The following RGS6 variants were observed in gnomAD, a reference collection of about 807,000 sequenced individuals.
RGS6 encodes regulator of G protein signaling 6.
A neutral mutation model predicts 78.5 loss-of-function variants in RGS6; 30 were observed. The ratio of observed to expected loss-of-function variants is 0.38; its 90% CI spans 0.29 to 0.52. The LOEUF is 0.52. Ranked by LOEUF, RGS6 falls within the 20% of genes least tolerant of loss-of-function variation. The pLI is 0.85. For missense variants in RGS6, 495 were observed against 609.7 expected (o/e 0.81, Z 1.98); for synonymous variants, 206 against 206.0 (o/e 1.00, Z 0.00).
At chr14:72,591,463 A>G in the RGS6 span, among the ~76,000 whole-genome samples, 1 of 152,182 alleles carries the variant, frequency 6.6e-6, no homozygotes, top group Admixed American at 6.5e-5. Context: ...CTGGAGAACT[A>G]AATTTGATCT....
At chr14:72,137,238 A>G (rs1282317006) in intron 2 of RGS6, among the ~76,000 whole-genome samples, 2 of 152,202 alleles carry the variant, frequency 1.3e-5, no homozygotes, top group Non-Finnish European at 2.9e-5. Flanking sequence ...CCTTACATAT[A>G]TGATTTTGTA....
chr14:72,474,476 G>A (rs1001244494), intron 9 of RGS6, 149 bp from the exon 10 acceptor site: 27 of 673,736 alleles, frequency 4.0e-5, no homozygotes, highest in Non-Finnish European at 6.2e-5. Flanking sequence ...ACTCCACAGA[G>A]GAATGCATAT....
At chr14:72,580,112 C>T in the RGS6 span, among the ~76,000 whole-genome samples, 1 of 152,212 alleles carries the variant, frequency 6.6e-6, no homozygotes, top group Non-Finnish European at 1.5e-5. Flanking sequence ...ACCATCCAAC[C>T]TCTTAATTCA....
intron 17 of RGS6, among the ~76,000 whole-genome samples, chr14:72,555,732 T>C (rs970284782): frequency 3.9e-5 from 6 of 152,232 alleles, no homozygotes; most frequent in African/African-American, 2.4e-5. Flanking sequence ...TGTTTCCTTG[T>C]TCGTTTAGTG....
chr14:72,382,140 A>G (rs1022840687), intron 3 of RGS6, among the ~76,000 whole-genome samples: 35 of 152,230 alleles, frequency 2.3e-4, no homozygotes, highest in Middle Eastern at 3.4e-3. Flanking sequence ...TATGCTCATC[A>G]AAAGATCTAT....
chr14:72,403,216 G>A (rs2092627353), intron 3 of RGS6, among the ~76,000 whole-genome samples: 1 of 152,210 alleles, frequency 6.6e-6, no homozygotes, highest in Admixed American at 6.5e-5. Context: ...TCCATCGACA[G>A]ATGAATGGAT....
chr14:72,522,894 T>C (rs534156798), intron 15 of RGS6, among the ~76,000 whole-genome samples: 1 of 152,284 alleles, frequency 6.6e-6, no homozygotes, highest in East Asian at 1.9e-4. Flanking sequence ...GCATAAAGGA[T>C]CTTCAGTTTT....
chr14:72,138,200 T>C (rs2096477852), intron 2 of RGS6, among the ~76,000 whole-genome samples: 1 of 152,196 alleles, frequency 6.6e-6, no homozygotes, highest in Non-Finnish European at 1.5e-5. Context: ...GCCAAGGGCC[T>C]ACTGGATACT....
At chr14:71,870,283 A>C in the RGS6 span, among the ~76,000 whole-genome samples, 1 of 152,176 alleles carries the variant, frequency 6.6e-6, no homozygotes, top group South Asian at 2.1e-4. Flanking sequence ...TAACAATTAC[A>C]TGAGTCTGAT....
chr14:72,210,541 G>T (rs1371042947), intron 2 of RGS6, among the ~76,000 whole-genome samples: 1 of 152,152 alleles, frequency 6.6e-6, no homozygotes, highest in African/African-American at 2.4e-5. Context: ...GTCACTTCAG[G>T]TCTTTGTCCT....
At chr14:72,234,536 CAG>C (rs2050491724) in intron 2 of RGS6, among the ~76,000 whole-genome samples, 1 of 152,116 alleles carries the variant, frequency 6.6e-6, no homozygotes. Flanking sequence ...CAGCATGAAA[CAG>C]TGTAGGCTGA....
At chr14:72,228,452 T>G (rs1046651638) in intron 2 of RGS6, among the ~76,000 whole-genome samples, 1 of 152,164 alleles carries the variant, frequency 6.6e-6, no homozygotes, top group African/African-American at 2.4e-5. Flanking sequence ...ACGTTCATCA[T>G]CTTGTTAGTA....
rs537570791 is a variant in RGS6, at chr14:72,130,886, G to A, written c.84+166011G>A. On this transcript the variant is annotated intron_variant, in intron 2 of 17. Coordinates refer to ENST00000553525, the MANE Select transcript of RGS6 (RefSeq NM_001204424.2). ...GTTGCATTGGTATGTGTGTTGGGGG[G>A]ATAGGAGGGTGATGGGAGAGCCTCC... Among the ~76,000 whole-genome samples, 7 of 152,320 alleles carry A rather than the reference G, an allele frequency of 4.6e-5. No homozygotes were observed. The East Asian group carries it at 1.3e-3, about 29-fold the overall frequency.
rs916290546 is a variant in RGS6, at chr14:72,188,764, A to G, written c.85-163331A>G. ...AAAACTTTGTTCCTGGGCTCATGTAAGAGCAGCTCTCTTCAAGCATAGGGA... is the reference window on the plus strand; with the variant it reads ...AAAACTTTGTTCCTGGGCTCATGTAGGAGCAGCTCTCTTCAAGCATAGGGA... On this transcript the variant is annotated intron_variant, in intron 2 of 17. Transcript: ENST00000553525. Among the ~76,000 whole-genome samples, 4 of 152,160 alleles carry G rather than the reference A, an allele frequency of 2.6e-5. No homozygotes were observed. In the East Asian group the frequency reaches 7.7e-4, roughly 29 times the overall value.
rs1405451834 is a variant in RGS6, at chr14:72,040,472, TCTG to T, written c.84+75601_84+75603del. On this transcript the variant is annotated intron_variant, in intron 2 of 17. Transcript: ENST00000553525. ...GGCGTATAAACTTTCTGCTGAGAAA[TCTG>T]CTGATAATCCTATGGAAGATTTCAT... is the stretch of plus-strand genomic sequence containing the variant. Among the ~76,000 whole-genome samples the T allele has an allele frequency of 1.2e-4, 19 of 152,196 alleles. No individual in the cohort carries two copies. The East Asian group carries it at 3.3e-3, about 26-fold the overall frequency.
chr14:72,132,004 A>G (rs2096330192), intron 2 of RGS6, among the ~76,000 whole-genome samples: 2 of 152,172 alleles, frequency 1.3e-5, no homozygotes, highest in African/African-American at 4.8e-5. Context: ...ATCTAAACTC[A>G]GCTCTCCTTT....
chr14:72,174,849 C>T (rs1302255183), intron 2 of RGS6, among the ~76,000 whole-genome samples: 1 of 152,182 alleles, frequency 6.6e-6, no homozygotes, highest in Non-Finnish European at 1.5e-5. Context: ...GCTGACAGCC[C>T]TCACAGATGC....
chr14:71,952,771 T>G (rs1215961439), intron 1 of RGS6, among the ~76,000 whole-genome samples: 1 of 152,188 alleles, frequency 6.6e-6, no homozygotes, highest in East Asian at 1.9e-4. Flanking sequence ...ATATTACATT[T>G]AAATGCCATG....
rs1390595579 is a variant in RGS6 at position 72,110,140 on chromosome 14, C to A, written c.84+145265C>A. Among the ~76,000 whole-genome samples, 10 of 152,214 alleles carry A rather than the reference C, an allele frequency of 6.6e-5. No individual in the cohort carries two copies. In the East Asian group the frequency reaches 1.7e-3, roughly 26 times the overall value. On this transcript the variant is annotated intron_variant, in intron 2 of 17. Transcript: ENST00000553525. ...AGGCTTACACAACTATCACCATTCA[C>A]CAGATAACTTGCTGTATTCCAGACA... is the stretch of plus-strand genomic sequence containing the variant.
Sources: gnomAD v4.1 joint callset for allele counts (sites outside exome capture counted in the v4.1 genomes callset) on GRCh38, gnomAD v4.1.1 for gene constraint, MANE v1.5 for transcripts, NCBI Gene and HGNC (gene_info 2026-07-23, HGNC 2026-07-21) for gene names.